RBFOX1: variants seen among roughly 807,000 people sequenced by gnomAD.
The protein encoded by RBFOX1 is RNA binding protein fox-1 homolog 1.
In RBFOX1, 8 loss-of-function variants were observed where a neutral mutation model predicts 57.7. The observed-to-expected ratio is 0.14, with a 90% confidence interval of 0.08 to 0.25. The LOEUF is 0.25. RBFOX1 is among the 10% of genes least tolerant of loss of function. The pLI, the probability that RBFOX1 is intolerant of heterozygous loss-of-function variation, is 1.00. For missense variants in RBFOX1, 611 were observed against 548.5 expected, an observed-to-expected ratio of 1.11 and a Z score of -1.14; for synonymous variants, 326 against 222.4, an observed-to-expected ratio of 1.47 and a Z score of -4.15.
At chr16:5,787,397 T>C (rs766717249) in intron 3 of RBFOX1, among the ~76,000 whole-genome samples, 5 of 152,204 alleles carry the variant, frequency 3.3e-5, no homozygotes, top group Non-Finnish European at 5.9e-5. Context: ...CTTTATGCCC[T>C]AGGACATCCA....
chr16:6,988,273 G>A (rs1467064369), intron 3 of RBFOX1, among the ~76,000 whole-genome samples: 1 of 152,148 alleles, frequency 6.6e-6, no homozygotes, highest in Non-Finnish European at 1.5e-5. Flanking sequence ...TCTCAGCAAA[G>A]CCCTATAGAC....
chr16:6,741,556 C>A (rs992823631), intron 3 of RBFOX1, among the ~76,000 whole-genome samples: 2 of 151,718 alleles, frequency 1.3e-5, no homozygotes, highest in Non-Finnish European at 2.9e-5. Context: ...GTAATCCCAG[C>A]TACTTGGGAG....
chr16:5,633,041 T>C (rs2048568641), intron 3 of RBFOX1, among the ~76,000 whole-genome samples: 1 of 149,968 alleles, frequency 6.7e-6, no homozygotes, highest in Non-Finnish European at 1.5e-5. Context: ...CAAGTTCAAG[T>C]GATTCTCCTG....
chr16:7,100,170 A>G (rs1176036110), intron 4 of RBFOX1, among the ~76,000 whole-genome samples: 1 of 152,180 alleles, frequency 6.6e-6, no homozygotes, highest in Non-Finnish European at 1.5e-5. Flanking sequence ...AGAAAACAAA[A>G]TTGAAGTTGA....
At chr16:6,315,532 CATGGATGGATGGATGG>C (rs59618973) in intron 1 of RBFOX1, among the ~76,000 whole-genome samples, 6 of 141,970 alleles carry the variant, frequency 4.2e-5, no homozygotes, top group Middle Eastern at 3.7e-3. Context: ...TGGGTGAGTA[CATGGATGGATGGATGG>C]ATGGATGGAT....
At chr16:7,622,064 C>G (rs2059396007) in intron 10 of RBFOX1, among the ~76,000 whole-genome samples, 1 of 152,052 alleles carries the variant, frequency 6.6e-6, no homozygotes, top group Non-Finnish European at 1.5e-5. Context: ...AGCTCACAGA[C>G]CATACAAAAA....
intron 5 of RBFOX1, among the ~76,000 whole-genome samples, chr16:7,563,534 C>G (rs758448346): frequency 2.0e-5 from 3 of 152,218 alleles, no homozygotes; most frequent in Admixed American, 6.5e-5. Flanking sequence ...ATGGCACGAT[C>G]TCTGCTCACT....
At chr16:5,720,363 C>T (rs573995921) in intron 3 of RBFOX1, among the ~76,000 whole-genome samples, 2 of 152,196 alleles carry the variant, frequency 1.3e-5, no homozygotes, top group Non-Finnish European at 2.9e-5. Context: ...TTCTCCCATT[C>T]TACAGGTTGT....
intron 2 of RBFOX1, among the ~76,000 whole-genome samples, chr16:6,518,502 T>C (rs1198285498): frequency 6.6e-6 from 1 of 152,152 alleles, no homozygotes; most frequent in Non-Finnish European, 1.5e-5. Context: ...TTATTTTGTG[T>C]AGTTTTCTCT....
At chr16:5,857,174 G>C (rs1264251090) in intron 3 of RBFOX1, among the ~76,000 whole-genome samples, 1 of 152,238 alleles carries the variant, frequency 6.6e-6, no homozygotes, top group East Asian at 1.9e-4. Context: ...GAGACCTGAG[G>C]AGAGAGGGAA....
intron 3 of RBFOX1, among the ~76,000 whole-genome samples, chr16:5,827,888 T>C (rs1464796278): frequency 2.7e-5 from 4 of 148,812 alleles, no homozygotes; most frequent in East Asian, 3.9e-4. Flanking sequence ...CATCCATCCA[T>C]CCATCCATCC....
chr16:6,868,976 G>A (rs546311140), intron 3 of RBFOX1, among the ~76,000 whole-genome samples: 55 of 152,228 alleles, frequency 3.6e-4, no homozygotes, highest in African/African-American at 9.9e-4. Flanking sequence ...GAGAGAAACC[G>A]TCTGTCAGCT....
At position 6,789,619 on chromosome 16, in the gene RBFOX1, A is replaced by T. The variant is rs150081064; in HGVS notation, c.-16+134969A>T. ...GACTCAGTGCTGTGCCCATCTTTGC[A>T]TAAAAGGCATTTTTACATTTGTGTG... On this transcript the variant is annotated intron_variant, in intron 3 of 15. Transcript: ENST00000550418. Among the ~76,000 whole-genome samples the T allele has an allele frequency of 8.5e-3, 1,292 of 152,326 alleles. 15 individuals are homozygous for T. Among genetic ancestry groups the T allele is most frequent in the African/African-American group, 0.029 (1,219 of 41,574 alleles).
intron 2 of RBFOX1, among the ~76,000 whole-genome samples, chr16:5,551,603 G>T (rs768699297): frequency 6.6e-6 from 1 of 152,130 alleles, no homozygotes; most frequent in Non-Finnish European, 1.5e-5. Context: ...ACGGTGATTC[G>T]GTGTGTGTCC....
At chr16:7,565,565 C>A (rs1432718648) in intron 5 of RBFOX1, among the ~76,000 whole-genome samples, 2 of 152,168 alleles carry the variant, frequency 1.3e-5, no homozygotes, top group Non-Finnish European at 2.9e-5. Context: ...TAAATCAAGA[C>A]CGCTCTTCAG....
At chr16:7,192,902 C>T (rs553772857) in intron 4 of RBFOX1, among the ~76,000 whole-genome samples, 262 of 152,338 alleles carry the variant, frequency 1.7e-3, no homozygotes, top group Middle Eastern at 3.4e-3. Flanking sequence ...GCCAGTCTCA[C>T]ACCCTCTTCT....
intron 1 of RBFOX1, among the ~76,000 whole-genome samples, chr16:6,283,511 T>C (rs1403844496): frequency 6.6e-6 from 1 of 152,136 alleles, no homozygotes; most frequent in Non-Finnish European, 1.5e-5. Context: ...ATGGCACTGG[T>C]TGAACTTCAC....
At chr16:6,384,202 T>A (rs1427616739) in intron 2 of RBFOX1, among the ~76,000 whole-genome samples, 1 of 152,170 alleles carries the variant, frequency 6.6e-6, no homozygotes, top group Non-Finnish European at 1.5e-5. Flanking sequence ...AATTGCCTTT[T>A]TATGGAACAG....
intron 4 of RBFOX1, among the ~76,000 whole-genome samples, chr16:7,467,298 T>G (rs1161839088): frequency 6.6e-6 from 1 of 152,184 alleles, no homozygotes; most frequent in Non-Finnish European, 1.5e-5. Context: ...CTGCTGGGTA[T>G]GGCTGTTGCA....
Sources: allele counts gnomAD v4.1 joint callset (sites outside exome capture counted in the v4.1 genomes callset), GRCh38; gene constraint gnomAD v4.1.1; transcripts MANE v1.5; gene names NCBI Gene and HGNC (gene_info 2026-07-23, HGNC 2026-07-21).